PCDHGB6: variants seen among roughly 807,000 people sequenced by gnomAD.
The protein encoded by PCDHGB6 is protocadherin gamma-B6.
Under a neutral mutation model 59.1 loss-of-function variants are expected in PCDHGB6, and 51 were observed. That is an observed-to-expected ratio of 0.86 (90% CI 0.69 to 1.09). PCDHGB6 has a LOEUF of 1.09. Among genes scored for constraint, PCDHGB6 ranks in the 50% least tolerant of loss-of-function variants. PCDHGB6 has a pLI of 0.00. For missense variants in PCDHGB6, 1,148 were observed against 1,205.1 expected (o/e 0.95, Z 0.70); for synonymous variants, 466 against 495.1 (o/e 0.94, Z 0.78).
rs1317150359 is a variant in PCDHGB6 at position 141,420,381 on chromosome 5, G to A, written c.2418+9761G>A. On this transcript the variant is annotated intron_variant, in intron 1 of 3. Transcript: ENST00000520790. ...TCTAGATAACTTCTTCATAGAGTTC[G>A]CAAAATATAGGTCAAATTTATGGTT... The A allele has an allele frequency of 1.1e-5, 14 of 1,298,362 alleles. No homozygotes were observed. In the Admixed American group the frequency reaches 1.3e-4, roughly 13 times the overall value. The allele number at this position is 1,298,362 out of a possible 1,614,324, so 80.4% of individuals were successfully genotyped here.
chr5:141,486,400 T>G lies in PCDHGB6; in HGVS notation c.2419-8407T>G. On this transcript the variant is annotated intron_variant, in intron 1 of 3. Transcript: ENST00000520790. This position sits in a 1 kb window ranked among gnomAD's most constrained non-coding sequence, Gnocchi z 5.0. Reference sequence around the variant, plus strand: ...TCAGGAACCAGTTCTCCCTGGTGACTGCTGGACCCTTGGATCGAGAGGCCA... The same window carrying G: ...TCAGGAACCAGTTCTCCCTGGTGACGGCTGGACCCTTGGATCGAGAGGCCA... 5.0e-6 allele frequency: 8 copies of G among 1,614,194 alleles called. No homozygotes were observed. The highest frequency in any genetic ancestry group is 6.8e-6 in the Non-Finnish European group (8 of 1,180,028).
Position 141,432,155 on chromosome 5 carries a change from C to T in PCDHGB6, c.2418+21535C>T, listed in dbSNP as rs368480052. 3.8e-5 allele frequency: 62 copies of T among 1,614,178 alleles called. No individual in the cohort carries two copies. In the African/African-American group the frequency reaches 7.1e-4, roughly 18 times the overall value. On this transcript the variant is annotated intron_variant, in intron 1 of 3. Coordinates refer to ENST00000520790, the MANE Select transcript of PCDHGB6 (RefSeq NM_018926.3). This position sits in a 1 kb window ranked among gnomAD's most constrained non-coding sequence, Gnocchi z 6.0. ...TTCCGCTTATATCCCAGAGAACAATCCCAGAGGAGTTTCCCTCGTCTCTGT... is the reference window on the plus strand; with the variant it reads ...TTCCGCTTATATCCCAGAGAACAATTCCAGAGGAGTTTCCCTCGTCTCTGT...
intron 1 of PCDHGB6, chr5:141,427,980 G>A (rs1398178738): frequency 6.3e-7 from 1 of 1,596,206 alleles, no homozygotes. Context: ...CCCCGCGCTG[G>A]GGCCCGATGG....
intron 1 of PCDHGB6, among the ~76,000 whole-genome samples, chr5:141,450,093 G>A (rs1330425383): frequency 2.8e-5 from 4 of 143,748 alleles, no homozygotes; most frequent in East Asian, 2.1e-4. Context: ...TGCAACCTCC[G>A]CCTCCCAGGT....
rs951964805 is a variant in PCDHGB6, at chr5:141,512,109, C to A, written c.*936C>A. The A allele has an allele frequency of 1.0e-4, 16 of 152,656 alleles. No individual in the cohort carries two copies. The highest frequency in any genetic ancestry group is 1.5e-5 in the Non-Finnish European group (1 of 68,058). 9.5% of individuals were successfully genotyped at this position (152,656 alleles called of 1,614,324 possible). Reference sequence around the variant, plus strand: ...ACCAATAACTAGGCTGGACCCTTCCCACTACATAATAGGGCTCAGCCCAGG... The same window carrying A: ...ACCAATAACTAGGCTGGACCCTTCCAACTACATAATAGGGCTCAGCCCAGG... On this transcript the variant is annotated 3_prime_UTR_variant, in exon 4 of 4. Coordinates refer to ENST00000520790, the MANE Select transcript of PCDHGB6 (RefSeq NM_018926.3).
rs1048081343 is a variant in PCDHGB6 at position 141,432,618 on chromosome 5, G to C, written c.2418+21998G>C. 6.2e-7 allele frequency: 1 copy of C among 1,612,806 alleles called. No individual in the cohort carries two copies. Among genetic ancestry groups the C allele is most frequent in the South Asian group, 1.1e-5 (1 of 90,950 alleles). ...AGCGAGCCGGGACTCTTCTCGGTGG[G>C]TCTGCACACGGGCGAGGTGCGCACG... On this transcript the variant is annotated intron_variant, in intron 1 of 3. Transcript: ENST00000520790. The surrounding 1 kb of genome is among the most constrained non-coding windows in gnomAD (Gnocchi z 6.0).
intron 1 of PCDHGB6, chr5:141,423,661 G>A: frequency 1.3e-6 from 2 of 1,555,760 alleles, no homozygotes; most frequent in Non-Finnish European, 1.7e-6. Flanking sequence ...AAGTAATCAG[G>A]TGAGATTTAT....
At chr5:141,442,473 C>T (rs1435437337) in intron 1 of PCDHGB6, 1 of 152,240 alleles carries the variant, frequency 6.6e-6, no homozygotes, top group Non-Finnish European at 1.5e-5. Flanking sequence ...CAGAAAGCCC[C>T]TTGGGGAAGG....
intron 1 of PCDHGB6, among the ~76,000 whole-genome samples, chr5:141,492,574 G>T (rs2099742096): frequency 6.6e-6 from 1 of 152,232 alleles, no homozygotes; most frequent in Non-Finnish European, 1.5e-5. Flanking sequence ...TGAGCGAGGC[G>T]CGGGGCCAGG....
At chr5:141,430,682 C>A (rs2097302907) in intron 1 of PCDHGB6, 1 of 1,361,564 alleles carries the variant, frequency 7.3e-7, no homozygotes, top group South Asian at 1.7e-5. Flanking sequence ...CCAACTGTCC[C>A]ATTCTATGGG....
intron 2 of PCDHGB6, among the ~76,000 whole-genome samples, chr5:141,498,039 A>G (rs2099781185): frequency 6.6e-6 from 1 of 152,264 alleles, no homozygotes; most frequent in Non-Finnish European, 1.5e-5. Flanking sequence ...CCAAATAATT[A>G]CAAAAATAAA....
intron 1 of PCDHGB6, among the ~76,000 whole-genome samples, chr5:141,420,793 T>C (rs1400287885): frequency 6.6e-6 from 1 of 152,268 alleles, no homozygotes; most frequent in Non-Finnish European, 1.5e-5. Flanking sequence ...TGAAAACTTT[T>C]TAAAAATTAA....
chr5:141,466,766 T>G (rs1309395984), intron 1 of PCDHGB6, among the ~76,000 whole-genome samples: 2 of 152,194 alleles, frequency 1.3e-5, no homozygotes, highest in Non-Finnish European at 2.9e-5. Context: ...TTTCAAACTG[T>G]TATCTTATTC....
At chr5:141,414,921 G>T (rs746806079) in intron 1 of PCDHGB6, 22 of 1,613,992 alleles carry the variant, frequency 1.4e-5, no homozygotes, top group East Asian at 4.5e-5. Context: ...TGGAGCTGGC[G>T]CCCCGCTCCG....
intron 1 of PCDHGB6, chr5:141,423,612 T>G: frequency 6.2e-7 from 1 of 1,611,004 alleles, no homozygotes; most frequent in Non-Finnish European, 8.5e-7. Flanking sequence ...TCTTGATAGC[T>G]GAAGACTCAG....
Position 141,432,970 on chromosome 5 carries a change from G to C in PCDHGB6, c.2418+22350G>C, listed in dbSNP as rs371130763. On this transcript the variant is annotated intron_variant, in intron 1 of 3. Transcript: ENST00000520790. This position sits in a 1 kb window ranked among gnomAD's most constrained non-coding sequence, Gnocchi z 6.0. ...GAGGCGGCTTGACAGGAGCGCCGGC[G>C]TCGCACTTTGTGGGCGTGGACGGGG... is the stretch of plus-strand genomic sequence containing the variant. 25 of 1,614,114 alleles carry C rather than the reference G, an allele frequency of 1.5e-5. No individual in the cohort carries two copies. Among genetic ancestry groups the C allele is most frequent in the African/African-American group, 1.1e-4 (8 of 75,054 alleles).
intron 1 of PCDHGB6, among the ~76,000 whole-genome samples, chr5:141,462,825 C>T (rs1040054698): frequency 4.6e-5 from 7 of 152,124 alleles, no homozygotes; most frequent in Admixed American, 3.9e-4. Context: ...GGACAGCAGA[C>T]ATTGTAAATG....
chr5:141,419,694 G>T, intron 1 of PCDHGB6: 2 of 1,612,974 alleles, frequency 1.2e-6, no homozygotes, highest in South Asian at 1.1e-5. Context: ...GTGCAGGCCA[G>T]TGAGCCCGGG....
intron 1 of PCDHGB6, chr5:141,428,099 C>T: frequency 6.8e-6 from 11 of 1,608,710 alleles, no homozygotes; most frequent in East Asian, 2.2e-5. Context: ...TGTCCTACCA[C>T]GTGCTGCAGG....
Sources: allele counts gnomAD v4.1 joint callset (sites outside exome capture counted in the v4.1 genomes callset), GRCh38; gene constraint gnomAD v4.1.1; non-coding constraint Gnocchi (gnomAD v3.1); transcripts MANE v1.5; gene names NCBI Gene and HGNC (gene_info 2026-07-23, HGNC 2026-07-21).